The following PPP2R2A variants were observed in gnomAD, a reference collection of about 807,000 sequenced individuals.
PPP2R2A encodes the protein protein phosphatase 2 regulatory subunit Balpha.
A neutral mutation model predicts 53.2 loss-of-function variants in PPP2R2A; 9 were observed. The ratio of observed to expected loss-of-function variants is 0.17; its 90% CI spans 0.10 to 0.30. The LOEUF (loss-of-function observed/expected upper bound fraction) is 0.30. PPP2R2A is among the 10% of genes least tolerant of loss of function. PPP2R2A has a pLI of 1.00. For synonymous variants in PPP2R2A, 169 were observed against 174.2 expected, an observed-to-expected ratio of 0.97 and a Z score of 0.23; for missense variants, 235 against 534.6, an observed-to-expected ratio of 0.44 and a Z score of 5.53.
chr8:26,336,428 C>CA (rs1180551685), intron 2 of PPP2R2A, among the ~76,000 whole-genome samples: 1 of 151,932 alleles, frequency 6.6e-6, no homozygotes, highest in African/African-American at 2.4e-5. Context: ...AACCCCATCT[C>CA]AAAAAATAAT....
chr8:26,316,481 T>C (rs1407215580), intron 2 of PPP2R2A, among the ~76,000 whole-genome samples: 1 of 152,216 alleles, frequency 6.6e-6, no homozygotes, highest in Non-Finnish European at 1.5e-5. Context: ...CAGAGAAAAC[T>C]TCAGCTTTCT....
chr8:26,360,957 A>C lies in PPP2R2A; in HGVS notation c.460-17A>C, dbSNP rs377360911. ...GAGCCTTTTGTAATTTCTGTTTTTC[A>C]TGTGTCTTATTGACAGGTGCCAGTC... On this transcript the variant is annotated splice_polypyrimidine_tract_variant and intron_variant, in intron 5 of 9. Coordinates refer to ENST00000380737, the MANE Select transcript of PPP2R2A (RefSeq NM_002717.4). This position sits in a 1 kb window ranked among gnomAD's most constrained non-coding sequence, Gnocchi z 4.5. The C allele has an allele frequency of 1.1e-5, 17 of 1,570,406 alleles. No individual in the cohort carries two copies. The Admixed American group carries it at 1.1e-4, about 10-fold the overall frequency.
intron 4 of PPP2R2A, among the ~76,000 whole-genome samples, chr8:26,359,189 A>G (rs1448842482): frequency 1.3e-5 from 2 of 152,212 alleles, no homozygotes; most frequent in African/African-American, 4.8e-5. Context: ...CCTCACCACC[A>G]CTACTCAAAA....
At chr8:26,311,062 T>C (rs1465056869) in intron 2 of PPP2R2A, among the ~76,000 whole-genome samples, 1 of 152,198 alleles carries the variant, frequency 6.6e-6, no homozygotes, top group Admixed American at 6.5e-5. Flanking sequence ...TTCTTTTTTG[T>C]TCAAGCAAAG....
chr8:26,349,478 T>A (rs1804385770), intron 3 of PPP2R2A, among the ~76,000 whole-genome samples: 1 of 152,180 alleles, frequency 6.6e-6, no homozygotes, highest in Non-Finnish European at 1.5e-5. Context: ...GAGGTCCCAT[T>A]TTCAGTTCTT....
chr8:26,320,934 T>C (rs1163783509), intron 2 of PPP2R2A, among the ~76,000 whole-genome samples: 1 of 152,198 alleles, frequency 6.6e-6, no homozygotes, highest in Admixed American at 6.5e-5. Flanking sequence ...AGGGCCTTAC[T>C]TAAACAAATA....
At chr8:26,322,726 A>C (rs1252163049) in intron 2 of PPP2R2A, among the ~76,000 whole-genome samples, 1 of 152,190 alleles carries the variant, frequency 6.6e-6, no homozygotes, top group Non-Finnish European at 1.5e-5. Context: ...AGTAGGGGAA[A>C]ATCTTCATCT....
chr8:26,354,770 C>A lies in PPP2R2A; in HGVS notation c.346+137C>A. On this transcript the variant is annotated intron_variant, in intron 4 of 9. Coordinates refer to ENST00000380737, the MANE Select transcript of PPP2R2A (RefSeq NM_002717.4). The surrounding 1 kb of genome is among the most constrained non-coding windows in gnomAD (Gnocchi z 4.6). ...TTTTCTATACAGAATGTAAACTCTA[C>A]TTTTTTACTGTCACTTGCAGTTTTT... is the stretch of plus-strand genomic sequence containing the variant. The A allele has an allele frequency of 1.2e-6, 1 of 821,528 alleles. No individual in the cohort carries two copies. Among genetic ancestry groups the A allele is most frequent in the Non-Finnish European group, 1.7e-6 (1 of 604,512 alleles). 50.9% of individuals were successfully genotyped at this position (821,528 alleles called of 1,614,324 possible).
At chr8:26,293,133 G>T (rs1398713148) in intron 1 of PPP2R2A, 3 of 1,142,620 alleles carry the variant, frequency 2.6e-6, no homozygotes, top group Non-Finnish European at 3.7e-6. Flanking sequence ...TTTCCTCTCT[G>T]TCTGGAGCCA....
intron 3 of PPP2R2A, among the ~76,000 whole-genome samples, chr8:26,350,406 G>C (rs1804433421): frequency 6.6e-6 from 1 of 152,006 alleles, no homozygotes; most frequent in Non-Finnish European, 1.5e-5. Flanking sequence ...AGTAGTTGTT[G>C]TGTTGTTTTG....
At chr8:26,293,008 A>T (rs1443957394) in intron 1 of PPP2R2A, 1 of 430,634 alleles carries the variant, frequency 2.3e-6, no homozygotes, top group Non-Finnish European at 4.1e-6. Flanking sequence ...TTTGCACGAG[A>T]TGACATTAGC....
intron 7 of PPP2R2A, chr8:26,363,330 C>T (rs1302641710): frequency 6.0e-6 from 1 of 166,924 alleles, no homozygotes; most frequent in Non-Finnish European, 1.3e-5. Context: ...TTTTACCTGG[C>T]TACTAGAAAA....
At position 26,372,639 on chromosome 8, in the gene PPP2R2A, A is replaced by G. The variant is rs896022832; in HGVS notation, c.*2226A>G. 1 of 152,190 alleles carries G rather than the reference A, an allele frequency of 6.6e-6. No individual in the cohort carries two copies. Among genetic ancestry groups the G allele is most frequent in the Non-Finnish European group, 1.5e-5 (1 of 68,022 alleles). The allele number at this position is 152,190 out of a possible 1,614,324, so 9.4% of individuals were successfully genotyped here. A position where few individuals can be genotyped will look rare whatever the true frequency, so the allele number is the denominator to read the frequency against. On this transcript the variant is annotated 3_prime_UTR_variant, in exon 10 of 10. Transcript: ENST00000380737. Reference sequence around the variant, plus strand: ...GCCCAGCCACTCATTTTACATGGCCATGGTTAATCTTTTTATTAATAAAAA... The same window carrying G: ...GCCCAGCCACTCATTTTACATGGCCGTGGTTAATCTTTTTATTAATAAAAA...
At chr8:26,291,969 G>C (rs955641325) in intron 1 of PPP2R2A, 143 bp downstream of exon 1, 1 of 1,219,116 alleles carries the variant, frequency 8.2e-7, no homozygotes, top group Non-Finnish European at 1.1e-6. Context: ...GAGGGGTGGG[G>C]TGGGGGCGGG....
intron 2 of PPP2R2A, among the ~76,000 whole-genome samples, chr8:26,316,777 C>G (rs1802576275): frequency 6.6e-6 from 1 of 152,206 alleles, no homozygotes; most frequent in Admixed American, 6.5e-5. Flanking sequence ...TCTTAGGTCT[C>G]TTTTATAGGG....
intron 2 of PPP2R2A, among the ~76,000 whole-genome samples, chr8:26,302,463 C>T (rs1303114904): frequency 6.6e-6 from 1 of 152,176 alleles, no homozygotes; most frequent in Non-Finnish European, 1.5e-5. Context: ...GTGACCGATG[C>T]ATGTGATGTT....
intron 3 of PPP2R2A, among the ~76,000 whole-genome samples, chr8:26,343,410 T>C (rs1229407328): frequency 6.6e-6 from 1 of 151,178 alleles, no homozygotes; most frequent in Non-Finnish European, 1.5e-5. Flanking sequence ...CTCACTCTGT[T>C]GCCCAGGCTG....
intron 3 of PPP2R2A, among the ~76,000 whole-genome samples, chr8:26,343,886 A>C (rs911829014): frequency 6.6e-6 from 1 of 152,198 alleles, no homozygotes; most frequent in African/African-American, 2.4e-5. Flanking sequence ...GCTGAAATTT[A>C]GCTGGAGGTT....
intron 6 of PPP2R2A, among the ~76,000 whole-genome samples, chr8:26,361,698 G>A (rs1182964500): frequency 6.6e-6 from 1 of 152,230 alleles, no homozygotes; most frequent in East Asian, 1.9e-4. Flanking sequence ...CGGTGACTCA[G>A]CCTGTAATCC....
Sources: gnomAD v4.1 joint callset for allele counts (sites outside exome capture counted in the v4.1 genomes callset) on GRCh38, gnomAD v4.1.1 for gene constraint, Gnocchi (gnomAD v3.1) non-coding constraint, MANE v1.5 for transcripts, NCBI Gene and HGNC (gene_info 2026-07-23, HGNC 2026-07-21) for gene names.